CDK5RAP2: variants seen among roughly 807,000 people sequenced by gnomAD.
CDK5RAP2 encodes the protein CDK5 regulatory subunit associated protein 2, also known as CDK5 regulatory subunit-associated protein 2.
CDK5RAP2 carries 147 observed loss-of-function variants against 232.9 expected under a neutral mutation model. The ratio of observed to expected loss-of-function variants is 0.63; its 90% CI spans 0.55 to 0.72. The LOEUF (loss-of-function observed/expected upper bound fraction) is 0.72, where lower values mean the gene tolerates loss of function less well. Among genes scored for constraint, CDK5RAP2 ranks in the 30% least tolerant of loss-of-function variants. The pLI is 0.00. For synonymous variants in CDK5RAP2, 833 were observed against 833.7 expected (o/e 1.00, Z 0.01); for missense variants, 2,195 against 2,231.5 (o/e 0.98, Z 0.33).
chr9:120,489,995 C>T (rs181804958), intron 13 of CDK5RAP2, among the ~76,000 whole-genome samples: 10 of 152,168 alleles, frequency 6.6e-5, no homozygotes, highest in African/African-American at 9.6e-5. Flanking sequence ...TTAGTAGAGA[C>T]GGAGTTTCTC....
At position 120,453,572 on chromosome 9, in the gene CDK5RAP2, C is replaced by T; in HGVS notation, c.2677G>A (p.Ala893Thr). Residue 893 changes from alanine to threonine, a missense_variant, in exon 21 of 38, where the codon GCT (alanine) becomes ACT (threonine). Transcript: ENST00000349780. ...GTGTTGATCGGTTTCTCTTCCCAAG[C>T]CTCTCTTGTTGCTTCATGCTTGAAT... The part of the protein sequence containing the change: ...LRFKHEATRE[A>T]WEEKPINTAL... 6.2e-7 allele frequency: 1 copy of T among 1,614,186 alleles called. No individual in the cohort carries two copies. The highest frequency in any genetic ancestry group is 8.5e-7 in the Non-Finnish European group (1 of 1,180,046).
intron 10 of CDK5RAP2, among the ~76,000 whole-genome samples, chr9:120,525,776 C>A (rs1366730599): frequency 6.6e-6 from 1 of 152,176 alleles, no homozygotes; most frequent in Non-Finnish European, 1.5e-5. Context: ...GCCACCATAT[C>A]CAGCTACTTT....
intron 3 of CDK5RAP2, among the ~76,000 whole-genome samples, chr9:120,555,233 G>A (rs886113633): frequency 1.3e-5 from 2 of 152,140 alleles, no homozygotes; most frequent in Admixed American, 6.5e-5. Context: ...CCCGGTTCAA[G>A]TGATTCTCTT....
chr9:120,528,687 C>T (rs1222513423), intron 9 of CDK5RAP2, 57 bp downstream of exon 9: 1 of 1,099,724 alleles, frequency 9.1e-7, no homozygotes, highest in African/African-American at 1.5e-5. Flanking sequence ...CAGAATAAAA[C>T]AAGAGGCAAG....
At chr9:120,485,122 C>T (rs968465798) in intron 14 of CDK5RAP2, among the ~76,000 whole-genome samples, 13 of 151,976 alleles carry the variant, frequency 8.6e-5, no homozygotes, top group Admixed American at 5.9e-4. Context: ...TAAATATCAC[C>T]GGGATCTGAA....
chr9:120,529,955 C>T, intron 8 of CDK5RAP2, 23 bp downstream of exon 8: 1 of 1,613,008 alleles, frequency 6.2e-7, no homozygotes, highest in Non-Finnish European at 8.5e-7. Flanking sequence ...TTAAAGCCCC[C>T]TCTTCATGTC....
At position 120,439,263 on chromosome 9, in the gene CDK5RAP2, C is replaced by G. The variant is rs929730551; in HGVS notation, c.3722+136G>C. 1.2e-5 allele frequency: 10 copies of G among 829,934 alleles called. No homozygotes were observed. The African/African-American group carries it at 1.7e-4, about 14-fold the overall frequency. 51.4% of individuals were successfully genotyped at this position (829,934 alleles called of 1,614,324 possible). A position where few individuals can be genotyped will look rare whatever the true frequency, so the allele number is the denominator to read the frequency against. On this transcript the variant is annotated intron_variant, in intron 24 of 37. Transcript: ENST00000349780. ...CTCCACAGGACCTGGCTGCCTGAAC[C>G]CCACCATCAAGCCTTCCCCAGAACA...
chr9:120,525,108 T>C, intron 10 of CDK5RAP2, 30 bp from the exon 11 acceptor site: 3 of 1,534,010 alleles, frequency 2.0e-6, no homozygotes, highest in East Asian at 2.3e-5. Context: ...ACCAGCCAAG[T>C]ATGTAACTGG....
chr9:120,536,410 C>T lies in CDK5RAP2; in HGVS notation c.624G>A (p.Gly208=). The change falls in exon 7 of 38, where the codon GGG becomes GGA. Residue 208 remains glycine (G), a synonymous_variant. Transcript: ENST00000349780. ...KLSEMKKMHE[G]DLAMALVLDE... ...CCAGGACCAGAGCCATCGCCAAGTC[C>T]CCCTCGTGCATCTTCTTCATCTCTG... 1 of 1,614,146 alleles carries T rather than the reference C, an allele frequency of 6.2e-7. No individual in the cohort carries two copies. Among genetic ancestry groups the T allele is most frequent in the Non-Finnish European group, 8.5e-7 (1 of 1,180,018 alleles).
chr9:120,485,347 T>A (rs191186359), intron 14 of CDK5RAP2, among the ~76,000 whole-genome samples: 1 of 147,530 alleles, frequency 6.8e-6, no homozygotes, highest in Non-Finnish European at 1.5e-5. Flanking sequence ...CAGGCTGGAG[T>A]GCAGTGGCAC....
chr9:120,575,634 T>C (rs1001527449), intron 1 of CDK5RAP2, among the ~76,000 whole-genome samples: 5 of 152,196 alleles, frequency 3.3e-5, no homozygotes, highest in South Asian at 2.1e-4. Context: ...CCCTTTTTCA[T>C]TCTATTTTAT....
intron 9 of CDK5RAP2, 54 bp downstream of exon 9, chr9:120,528,690 G>A: frequency 8.9e-7 from 1 of 1,117,424 alleles, no homozygotes; most frequent in Non-Finnish European, 1.4e-6. Context: ...AATAAAACAA[G>A]AGGCAAGAAT....
intron 4 of CDK5RAP2, among the ~76,000 whole-genome samples, chr9:120,549,171 A>AAAAAAAAAAAG (rs1554780650): frequency 6.6e-6 from 1 of 150,392 alleles, no homozygotes; most frequent in Non-Finnish European, 1.5e-5. Context: ...AAAAAAAAAA[A>AAAAAAAAAAAG]AGAGACAGAA....
At chr9:120,422,437 T>C (rs1490494655) in intron 26 of CDK5RAP2, among the ~76,000 whole-genome samples, 1 of 152,126 alleles carries the variant, frequency 6.6e-6, no homozygotes, top group African/African-American at 2.4e-5. Flanking sequence ...AGCCAACAAA[T>C]GAATATGTCA....
chr9:120,390,615 G>GC (rs1428346794), intron 36 of CDK5RAP2, among the ~76,000 whole-genome samples: 1 of 152,192 alleles, frequency 6.6e-6, no homozygotes, highest in East Asian at 1.9e-4. Flanking sequence ...TGGCAAGAAT[G>GC]CCCCTCTTGA....
At chr9:120,476,187 T>C (rs1413388687) in intron 15 of CDK5RAP2, among the ~76,000 whole-genome samples, 2 of 151,918 alleles carry the variant, frequency 1.3e-5, no homozygotes, top group African/African-American at 4.8e-5. Flanking sequence ...TTTTTAACTT[T>C]TCATTATAGA....
rs777129747 is a variant in CDK5RAP2 at position 120,530,042 on chromosome 9, A to C, written c.761T>G (p.Val254Gly). Residue 254 changes from valine (V) to glycine (G), a missense_variant, in exon 8 of 38, where the codon GTG becomes GGG. Transcript: ENST00000349780. ...KSQMACPDEN[V>G]SSGELRGLCA... is the part of the protein sequence containing the mutation. ...AAGTCCTCGGAGCTCTCCAGATGACACATTCTCATCAGGACATGCCATCTG... is the reference window on the plus strand; with the variant it reads ...AAGTCCTCGGAGCTCTCCAGATGACCCATTCTCATCAGGACATGCCATCTG... 2 of 1,614,010 alleles carry C rather than the reference A, an allele frequency of 1.2e-6. No homozygotes were observed. The highest frequency in any genetic ancestry group is 1.7e-6 in the Non-Finnish European group (2 of 1,179,872).
At chr9:120,429,482 C>G (rs1181291838) in intron 25 of CDK5RAP2, among the ~76,000 whole-genome samples, 2 of 152,080 alleles carry the variant, frequency 1.3e-5, no homozygotes, top group Non-Finnish European at 2.9e-5. Flanking sequence ...AACAGAGAGC[C>G]AAATCATGAG....
chr9:120,557,044 C>T (rs760140152), intron 3 of CDK5RAP2, among the ~76,000 whole-genome samples: 6 of 152,206 alleles, frequency 3.9e-5, no homozygotes, highest in Non-Finnish European at 7.3e-5. Context: ...GTACACAATG[C>T]TAAAATTCTT....
Sources: allele counts gnomAD v4.1 joint callset (sites outside exome capture counted in the v4.1 genomes callset), GRCh38; gene constraint gnomAD v4.1.1; transcripts MANE v1.5; gene names NCBI Gene and HGNC (gene_info 2026-07-23, HGNC 2026-07-21).